CNOT2: variants seen among roughly 807,000 people sequenced by gnomAD.
CNOT2 encodes CC chemokine receptor 4-negative regulator of transcription 2.
CNOT2 carries 7 observed loss-of-function variants against 72.1 expected under a neutral mutation model. The observed-to-expected ratio is 0.10, with a 90% CI of 0.06 to 0.18. CNOT2 has a LOEUF of 0.18. Among genes scored for constraint, CNOT2 ranks in the 10% least tolerant of loss-of-function variants. The pLI is 1.00. For synonymous variants in CNOT2, 196 were observed against 225.6 expected, an observed-to-expected ratio of 0.87 and a Z score of 1.17; for missense variants, 345 against 660.3, an observed-to-expected ratio of 0.52 and a Z score of 5.23.
chr12:70,338,324 G>T (rs766321907), intron 9 of CNOT2, 119 bp from the exon 10 acceptor site: 1 of 811,946 alleles, frequency 1.2e-6, no homozygotes, highest in Non-Finnish European at 1.9e-6. Flanking sequence ...TGAAAAACAG[G>T]TAATAATTTA....
intron 1 of CNOT2, among the ~76,000 whole-genome samples, chr12:70,272,021 T>G (rs1301115306): frequency 6.6e-6 from 1 of 152,202 alleles, no homozygotes; most frequent in Non-Finnish European, 1.5e-5. Flanking sequence ...TTAAAAGTAT[T>G]TGATTTGGCA....
At chr12:70,263,645 C>T (rs538728130) in intron 1 of CNOT2, among the ~76,000 whole-genome samples, 7 of 152,084 alleles carry the variant, frequency 4.6e-5, no homozygotes, top group East Asian at 1.9e-4. Flanking sequence ...ATATTTTTAA[C>T]GACTGCTTTG....
At chr12:70,311,957 T>A (rs1037548779) in intron 3 of CNOT2, among the ~76,000 whole-genome samples, 1 of 151,986 alleles carries the variant, frequency 6.6e-6, no homozygotes, top group Admixed American at 6.6e-5. Context: ...TGCAGAATTT[T>A]GCAAATCAGC....
At chr12:70,244,092 G>C (rs1957740988) in intron 1 of CNOT2, 1 of 152,464 alleles carries the variant, frequency 6.6e-6, no homozygotes, top group Non-Finnish European at 1.5e-5. Flanking sequence ...TGGCTAACGG[G>C]TGTCAGGATC....
intron 2 of CNOT2, among the ~76,000 whole-genome samples, chr12:70,295,130 C>G (rs1872607415): frequency 6.6e-6 from 1 of 152,158 alleles, no homozygotes; most frequent in Admixed American, 6.5e-5. Flanking sequence ...CTTTCGTTCT[C>G]CTACATCTAT....
chr12:70,342,331 T>C (rs763242961), intron 13 of CNOT2, 24 bp downstream of exon 13: 1 of 1,610,370 alleles, frequency 6.2e-7, no homozygotes, highest in East Asian at 2.2e-5. Context: ...ATTATTCTAC[T>C]CAGTCAGCAT....
At chr12:70,308,553 T>TTTTC (rs57807286) in intron 2 of CNOT2, among the ~76,000 whole-genome samples, 34 of 116,304 alleles carry the variant, frequency 2.9e-4, no homozygotes, top group East Asian at 5.8e-4. Context: ...GTTTGGTATA[T>TTTTC]TTTCTCTCTC....
At chr12:70,253,810 T>C (rs1958274360) in intron 1 of CNOT2, among the ~76,000 whole-genome samples, 1 of 152,208 alleles carries the variant, frequency 6.6e-6, no homozygotes, top group Non-Finnish European at 1.5e-5. Context: ...GGGAAATATG[T>C]TCTGAGACCC....
chr12:70,337,901 A>T, intron 9 of CNOT2: 1 of 352,302 alleles, frequency 2.8e-6, no homozygotes, highest in Non-Finnish European at 5.4e-6. Flanking sequence ...TTTCTGACTT[A>T]ACAAATATGT....
intron 1 of CNOT2, among the ~76,000 whole-genome samples, chr12:70,251,647 T>C (rs970213973): frequency 1.1e-4 from 17 of 152,248 alleles, no homozygotes; most frequent in African/African-American, 3.9e-4. Flanking sequence ...TAATGGTGTA[T>C]GTTTATGACA....
In CNOT2 at chr12:70,354,179, C is replaced by G. The variant is rs751618057; in HGVS notation, c.*264C>G. The G allele has an allele frequency of 4.3e-5, 21 of 493,262 alleles. 1 individual carries two copies. The Middle Eastern group carries it at 2.5e-3, about 58-fold the overall frequency. The allele number at this position is 493,262 out of a possible 1,614,324, so 30.6% of individuals were successfully genotyped here. ...TTTCATTTATTTCCTTTTTTGCCAG[C>G]AGACAGACTTGAGTCTGTAAAGACA... On this transcript the variant is annotated 3_prime_UTR_variant, in exon 16 of 16. Transcript: ENST00000229195.
intron 2 of CNOT2, among the ~76,000 whole-genome samples, chr12:70,290,315 C>G (rs907564159): frequency 6.6e-6 from 1 of 151,938 alleles, no homozygotes; most frequent in African/African-American, 2.4e-5. Context: ...GAACCCTCTG[C>G]ATATTTTCAG....
intron 3 of CNOT2, among the ~76,000 whole-genome samples, chr12:70,313,774 A>C (rs1204521217): frequency 6.6e-6 from 1 of 152,162 alleles, no homozygotes; most frequent in African/African-American, 2.4e-5. Flanking sequence ...TCTTACAAAA[A>C]CAGGCAGTGT....
chr12:70,318,247 T>G (rs986988596), intron 3 of CNOT2, among the ~76,000 whole-genome samples: 7 of 151,990 alleles, frequency 4.6e-5, no homozygotes, highest in Non-Finnish European at 8.8e-5. Flanking sequence ...TGTATGACAT[T>G]TATTTCGCAT....
chr12:70,336,172 A>G (rs1446790087), intron 8 of CNOT2: 1 of 152,224 alleles, frequency 6.6e-6, no homozygotes, highest in Non-Finnish European at 1.5e-5. Flanking sequence ...ACATTGGCAG[A>G]TGTCACCTGG....
chr12:70,338,656 T>G lies in CNOT2; in HGVS notation c.1022-10T>G, dbSNP rs191305016. ...TTGAAAATAAAAGCAACTGTGTTTT[T>G]CCTACCCAGGTCGGGTTACTAACAT... On this transcript the variant is annotated splice_polypyrimidine_tract_variant and intron_variant, in intron 10 of 15. Coordinates refer to ENST00000229195, the MANE Select transcript of CNOT2 (RefSeq NM_014515.7). 7.9e-4 allele frequency: 1,277 copies of G among 1,607,584 alleles called. 1 individual carries two copies. The highest frequency in any genetic ancestry group is 9.9e-4 in the Non-Finnish European group (1,168 of 1,177,702).
intron 1 of CNOT2, among the ~76,000 whole-genome samples, chr12:70,257,245 A>G (rs1476713763): frequency 1.3e-5 from 2 of 152,164 alleles, no homozygotes; most frequent in Admixed American, 6.5e-5. Context: ...GAACAGGTAT[A>G]ATATACTTAA....
chr12:70,260,784 A>G (rs892667063), intron 1 of CNOT2, among the ~76,000 whole-genome samples: 38 of 148,956 alleles, frequency 2.6e-4, no homozygotes, highest in African/African-American at 9.1e-4. Context: ...GGATTTTCTT[A>G]TCTATGATAT....
rs1408897873 is a variant in CNOT2 at position 70,329,602 on chromosome 12, A to AC, written c.386+32_386+33insC. 5.9e-6 allele frequency: 9 copies of AC among 1,534,656 alleles called. No homozygotes were observed. The African/African-American group carries it at 1.2e-4, about 21-fold the overall frequency. ...ATTGATGGACCAGAATATTTTTCAA[A>AC]ATGTATCTTGGTAGAGTAAACAAAC... On this transcript the variant is annotated intron_variant, in intron 5 of 15. Coordinates refer to ENST00000229195, the MANE Select transcript of CNOT2 (RefSeq NM_014515.7).
Sources: gnomAD v4.1 joint callset for allele counts (sites outside exome capture counted in the v4.1 genomes callset) on GRCh38, gnomAD v4.1.1 for gene constraint, MANE v1.5 for transcripts, NCBI Gene and HGNC (gene_info 2026-07-23, HGNC 2026-07-21) for gene names.